CLSTN2: variants seen among roughly 807,000 people sequenced by gnomAD.
CLSTN2 encodes calsyntenin 2, also known as calsyntenin-2.
A neutral mutation model predicts 101.2 loss-of-function variants in CLSTN2; 48 were observed. The observed-to-expected ratio is 0.47, with a 90% CI of 0.38 to 0.60. CLSTN2 has a LOEUF of 0.60. Ranked by LOEUF, CLSTN2 falls within the 20% of genes least tolerant of loss-of-function variation. The pLI, the probability that CLSTN2 is intolerant of heterozygous loss-of-function variation, is 0.00. For synonymous variants in CLSTN2, 481 were observed against 463.6 expected (o/e 1.04, Z -0.48); for missense variants, 1,160 against 1,238.2 (o/e 0.94, Z 0.95).
chr3:140,093,806 T>A (rs530677483), intron 1 of CLSTN2, among the ~76,000 whole-genome samples: 147 of 152,348 alleles, frequency 9.6e-4, no homozygotes, highest in Non-Finnish European at 1.6e-3. Context: ...AATTAGTATG[T>A]CAAACCTACT....
Position 140,532,413 on chromosome 3 carries a change from C to T in CLSTN2, c.1434C>T (p.Tyr478=). Residue 478 remains tyrosine, a synonymous_variant, in exon 9 of 17, where the codon TAC becomes TAT. Transcript: ENST00000458420. ...TGGATGGAGCAACATATGAACCATA[C>T]CTGGTGACCAACGACTGGCCCATTC... ...LYMDGATYEP[Y]LVTNDWPIHP... is the part of the protein sequence containing the mutation. 2 of 1,613,984 alleles carry T rather than the reference C, an allele frequency of 1.2e-6. No individual in the cohort carries two copies. Among genetic ancestry groups the T allele is most frequent in the Non-Finnish European group, 1.7e-6 (2 of 1,179,884 alleles).
At chr3:140,033,844 C>T (rs2007605492) in intron 1 of CLSTN2, among the ~76,000 whole-genome samples, 3 of 152,128 alleles carry the variant, frequency 2.0e-5, no homozygotes, top group African/African-American at 7.2e-5. Context: ...GGATGAAGAT[C>T]TAAAAATTGT....
chr3:140,255,919 G>A (rs1291769260), intron 2 of CLSTN2, among the ~76,000 whole-genome samples: 2 of 152,112 alleles, frequency 1.3e-5, no homozygotes, highest in Non-Finnish European at 2.9e-5. Context: ...AAGCTTTGAG[G>A]ACAGAAATTA....
At chr3:140,386,864 A>G (rs1157544390) in intron 2 of CLSTN2, among the ~76,000 whole-genome samples, 1 of 152,228 alleles carries the variant, frequency 6.6e-6, no homozygotes, top group Non-Finnish European at 1.5e-5. Context: ...AACTTACACA[A>G]GCAGGTTATA....
intron 1 of CLSTN2, among the ~76,000 whole-genome samples, chr3:140,085,170 T>C (rs1003864819): frequency 2.6e-5 from 4 of 152,256 alleles, no homozygotes; most frequent in Non-Finnish European, 5.9e-5. Context: ...CCAGGGTCTC[T>C]GTGGACACCT....
chr3:140,407,584 A>G (rs1234382636), intron 4 of CLSTN2, among the ~76,000 whole-genome samples: 2 of 152,222 alleles, frequency 1.3e-5, no homozygotes, highest in African/African-American at 4.8e-5. Context: ...GAGAGCACTC[A>G]ATAAGTGGTG....
intron 8 of CLSTN2, among the ~76,000 whole-genome samples, chr3:140,500,132 C>T (rs1373192186): frequency 6.6e-6 from 1 of 151,980 alleles, no homozygotes; most frequent in African/African-American, 2.4e-5. Flanking sequence ...TCATGGGGAG[C>T]TCAGGGCTCC....
intron 1 of CLSTN2, among the ~76,000 whole-genome samples, chr3:140,020,867 T>C (rs2007299732): frequency 6.6e-6 from 1 of 152,218 alleles, no homozygotes; most frequent in South Asian, 2.1e-4. Context: ...ACTCTTTTAA[T>C]AGGCACAATT....
chr3:140,432,846 T>C (rs576738298), intron 5 of CLSTN2, among the ~76,000 whole-genome samples: 81 of 152,274 alleles, frequency 5.3e-4, no homozygotes, highest in Non-Finnish European at 1.1e-3. Flanking sequence ...TCAATAATAA[T>C]AACAGTAATA....
chr3:140,268,526 A>G (rs1288440217), intron 2 of CLSTN2, among the ~76,000 whole-genome samples: 1 of 152,202 alleles, frequency 6.6e-6, no homozygotes, highest in African/African-American at 2.4e-5. Flanking sequence ...GTGAGCTTTC[A>G]TGTGGCACTC....
chr3:140,333,516 T>C (rs1288271454), intron 2 of CLSTN2, among the ~76,000 whole-genome samples: 4 of 152,174 alleles, frequency 2.6e-5, no homozygotes, highest in African/African-American at 9.7e-5. Context: ...GTGCCCATGG[T>C]CTGACTACAG....
intron 1 of CLSTN2, among the ~76,000 whole-genome samples, chr3:140,089,576 C>G (rs1009096070): frequency 8.1e-5 from 12 of 148,530 alleles, no homozygotes; most frequent in Non-Finnish European, 1.6e-4. Flanking sequence ...TCCTTTTCAG[C>G]TGGTTTTATT....
chr3:140,282,418 C>T (rs1186454858), intron 2 of CLSTN2, among the ~76,000 whole-genome samples: 1 of 152,024 alleles, frequency 6.6e-6, no homozygotes, highest in Non-Finnish European at 1.5e-5. Flanking sequence ...CATGAGGCGC[C>T]CAGAAAACAG....
chr3:139,988,645 T>C (rs552890077), intron 1 of CLSTN2, among the ~76,000 whole-genome samples: 65 of 152,222 alleles, frequency 4.3e-4, no homozygotes, highest in African/African-American at 1.5e-3. Context: ...TCTGTGTGGT[T>C]TGGAAGGCTT....
At chr3:140,524,153 T>A (rs542273632) in intron 8 of CLSTN2, among the ~76,000 whole-genome samples, 1 of 152,342 alleles carries the variant, frequency 6.6e-6, no homozygotes, top group African/African-American at 2.4e-5. Flanking sequence ...AGGGAGTGTT[T>A]ACTGAGGCCA....
At chr3:140,108,542 T>A (rs1382157356) in intron 1 of CLSTN2, among the ~76,000 whole-genome samples, 1 of 152,152 alleles carries the variant, frequency 6.6e-6, no homozygotes, top group Non-Finnish European at 1.5e-5. Flanking sequence ...AATTTTTTAT[T>A]TGTTTTTGTT....
At chr3:140,320,091 G>C (rs937762760) in intron 2 of CLSTN2, among the ~76,000 whole-genome samples, 2 of 152,198 alleles carry the variant, frequency 1.3e-5, no homozygotes, top group Non-Finnish European at 2.9e-5. Context: ...TAACCACCAT[G>C]CATTGTGGCT....
intron 2 of CLSTN2, among the ~76,000 whole-genome samples, chr3:140,216,394 G>A (rs111246952): frequency 1.1e-3 from 161 of 152,318 alleles, no homozygotes; most frequent in African/African-American, 3.4e-3. Flanking sequence ...GGCTTCTCAG[G>A]AGGATGCCCA....
At chr3:140,285,081 G>A (rs941825577) in intron 2 of CLSTN2, among the ~76,000 whole-genome samples, 11 of 152,108 alleles carry the variant, frequency 7.2e-5, no homozygotes, top group Non-Finnish European at 1.3e-4. Context: ...GTGGGCAAGT[G>A]GAGCTCGGTT....
Sources: allele counts gnomAD v4.1 joint callset (sites outside exome capture counted in the v4.1 genomes callset), GRCh38; gene constraint gnomAD v4.1.1; transcripts MANE v1.5; gene names NCBI Gene and HGNC (gene_info 2026-07-23, HGNC 2026-07-21).